The following CNTN6 variants were observed in gnomAD, a reference collection of about 807,000 sequenced individuals.
The protein encoded by CNTN6 is contactin 6.
In CNTN6, 137 loss-of-function variants were observed where a neutral mutation model predicts 122.8. The ratio of observed to expected loss-of-function variants is 1.12; its 90% CI spans 0.97 to 1.29. CNTN6 has a LOEUF of 1.29. Among genes scored for constraint, CNTN6 ranks in the 50% most tolerant of loss-of-function variants. The pLI is 0.00. For synonymous variants in CNTN6, 570 were observed against 426.0 expected, an observed-to-expected ratio of 1.34 and a Z score of -4.16; for missense variants, 1,634 against 1,223.4, an observed-to-expected ratio of 1.34 and a Z score of -5.01.
intron 4 of CNTN6, among the ~76,000 whole-genome samples, chr3:1,270,454 G>T (rs894533834): frequency 6.6e-6 from 1 of 152,162 alleles, no homozygotes; most frequent in Admixed American, 6.5e-5. Flanking sequence ...CAGATTTGGG[G>T]ATTTGTTTTC....
chr3:1,196,774 T>C (rs1356508525), intron 2 of CNTN6, among the ~76,000 whole-genome samples: 1 of 152,226 alleles, frequency 6.6e-6, no homozygotes, highest in Non-Finnish European at 1.5e-5. Context: ...GATTATTTAT[T>C]CGCCAAATAT....
intron 19 of CNTN6, among the ~76,000 whole-genome samples, chr3:1,384,808 CACACATAT>C (rs1230499273): frequency 6.6e-5 from 9 of 135,958 alleles, no homozygotes; most frequent in African/African-American, 2.3e-4. Flanking sequence ...CACACACACA[CACACATAT>C]ATATATATAT....
intron 1 of CNTN6, among the ~76,000 whole-genome samples, chr3:1,124,720 G>A (rs9855603): frequency 4.6e-5 from 7 of 151,574 alleles, no homozygotes; most frequent in Non-Finnish European, 8.8e-5. Context: ...CATCCCTTCC[G>A]CTTCTTCACT....
At chr3:1,219,775 G>C (rs529951995) in intron 2 of CNTN6, among the ~76,000 whole-genome samples, 1 of 152,160 alleles carries the variant, frequency 6.6e-6, no homozygotes, top group Non-Finnish European at 1.5e-5. Context: ...CAGCACATTG[G>C]GAGGCTGAGG....
At position 1,093,111 on chromosome 3, in the gene CNTN6, C is replaced by T. The variant is rs2090328944; in HGVS notation, c.-92C>T. 1 of 289,448 alleles carries T rather than the reference C, an allele frequency of 3.5e-6. No homozygotes were observed. The highest frequency in any genetic ancestry group is 6.9e-6 in the Non-Finnish European group (1 of 145,426). 17.9% of individuals were successfully genotyped at this position (289,448 alleles called of 1,614,324 possible). On this transcript the variant is annotated 5_prime_UTR_variant, in exon 1 of 23. Coordinates refer to ENST00000446702, the MANE Select transcript of CNTN6 (RefSeq NM_001289080.2). ...CAGAAAAACTGTAAAGATCCCGAGA[C>T]ATTTCCCTGGTAAGATCTGTAAGTA...
intron 1 of CNTN6, among the ~76,000 whole-genome samples, chr3:1,135,985 CT>C (rs923969508): frequency 5.7e-4 from 87 of 152,240 alleles, no homozygotes; most frequent in African/African-American, 2.0e-3. Flanking sequence ...GAACCAAACT[CT>C]GTCTCAAAAT....
chr3:1,396,583 C>T (rs553896700), intron 20 of CNTN6, among the ~76,000 whole-genome samples: 24 of 152,294 alleles, frequency 1.6e-4, no homozygotes, highest in Middle Eastern at 3.4e-3. Flanking sequence ...ATATAATGTA[C>T]ACCAAGGTGA....
intron 1 of CNTN6, among the ~76,000 whole-genome samples, chr3:1,109,628 AC>A (rs139167940): frequency 4.9e-4 from 74 of 152,144 alleles, no homozygotes; most frequent in Non-Finnish European, 9.1e-4. Flanking sequence ...ACAAAAATTT[AC>A]ATTATTTATT....
intron 7 of CNTN6, among the ~76,000 whole-genome samples, chr3:1,301,336 C>T (rs1393004468): frequency 6.6e-6 from 1 of 151,944 alleles, no homozygotes; most frequent in Non-Finnish European, 1.5e-5. Context: ...TGCCCGGCTC[C>T]TAAACTTTTG....
chr3:1,358,793 G>C (rs935813912), intron 12 of CNTN6, among the ~76,000 whole-genome samples: 3 of 151,986 alleles, frequency 2.0e-5, no homozygotes, highest in Non-Finnish European at 4.4e-5. Context: ...ACTACAGGCT[G>C]GGTGTGGTGG....
At position 1,110,844 on chromosome 3, in the gene CNTN6, G is replaced by A. The variant is rs149485118; in HGVS notation, c.-83+17724G>A. On this transcript the variant is annotated intron_variant, in intron 1 of 22. Coordinates refer to ENST00000446702, the MANE Select transcript of CNTN6 (RefSeq NM_001289080.2). ...ATTCCTCTGTCATGAGAAGAGCAGG[G>A]ACTCTTAGTCCGATGACAGAATCAA... is the stretch of plus-strand genomic sequence containing the variant. 4.2e-4 allele frequency among the ~76,000 whole-genome samples: 64 copies of A among 152,244 alleles called. No individual in the cohort carries two copies. In the Middle Eastern group the frequency reaches 0.014, roughly 32 times the overall value.
chr3:1,383,498 T>C, intron 19 of CNTN6, 90 bp downstream of exon 19: 2 of 925,128 alleles, frequency 2.2e-6, no homozygotes, highest in Non-Finnish European at 1.7e-6. Context: ...ACTAGCCTGT[T>C]GTTAGCATAT....
intron 4 of CNTN6, among the ~76,000 whole-genome samples, chr3:1,252,346 C>A (rs551869241): frequency 2.0e-5 from 3 of 152,168 alleles, no homozygotes; most frequent in African/African-American, 4.8e-5. Flanking sequence ...TTAGTAGTTA[C>A]CAGTTTTTAC....
In CNTN6 at chr3:1,352,389, A is replaced by G. The variant is rs573436411; in HGVS notation, c.1430A>G (p.Tyr477Cys). 15 of 1,606,850 alleles carry G rather than the reference A, an allele frequency of 9.3e-6. No homozygotes were observed. The highest frequency in any genetic ancestry group is 2.2e-5 in the East Asian group (1 of 44,574). Residue 477 changes from tyrosine to cysteine, a missense_variant, in exon 12 of 23, where the codon TAT becomes TGT. Coordinates refer to ENST00000446702, the MANE Select transcript of CNTN6 (RefSeq NM_001289080.2). ...ATTACCAGGTCAGATGCTGGATCAT[A>G]TACATGCATAGCCACAAATCAGTTT... Reference protein sequence around the residue: ...YNITRSDAGSYTCIATNQFGT... With the variant: ...YNITRSDAGSCTCIATNQFGT...
At chr3:1,257,965 A>G (rs3772333) in intron 4 of CNTN6, among the ~76,000 whole-genome samples, 26,677 of 152,118 alleles carry the variant, frequency 0.18, 3,335 homozygotes, top group African/African-American at 0.36. Flanking sequence ...TGAGTGAGGA[A>G]CTGCCTTGAA....
chr3:1,289,648 T>C (rs959893702), intron 5 of CNTN6, among the ~76,000 whole-genome samples: 3 of 150,404 alleles, frequency 2.0e-5, no homozygotes, highest in Non-Finnish European at 4.4e-5. Flanking sequence ...GACTGAGTTT[T>C]ATCTTTTGTT....
At chr3:1,326,512 G>T (rs1701563675) in intron 9 of CNTN6, among the ~76,000 whole-genome samples, 3 of 151,744 alleles carry the variant, frequency 2.0e-5, no homozygotes, top group Admixed American at 2.0e-4. Context: ...TTGCTTTTAT[G>T]AACACTGACG....
At chr3:1,108,182 A>G (rs1187049863) in intron 1 of CNTN6, among the ~76,000 whole-genome samples, 1 of 152,060 alleles carries the variant, frequency 6.6e-6, no homozygotes, top group Non-Finnish European at 1.5e-5. Context: ...TATAGAGACA[A>G]TGACATATAT....
intron 2 of CNTN6, among the ~76,000 whole-genome samples, chr3:1,163,699 G>A (rs987798760): frequency 2.0e-5 from 3 of 152,196 alleles, no homozygotes; most frequent in Non-Finnish European, 4.4e-5. Flanking sequence ...TTACAGGCAT[G>A]AGCTACTGTG....
Sources: gnomAD v4.1 joint callset for allele counts (sites outside exome capture counted in the v4.1 genomes callset) on GRCh38, gnomAD v4.1.1 for gene constraint, MANE v1.5 for transcripts, NCBI Gene and HGNC (gene_info 2026-07-23, HGNC 2026-07-21) for gene names.